RIOK2: variants seen among roughly 807,000 people sequenced by gnomAD.
RIOK2 encodes the protein RIO kinase 2.
RIOK2 carries 46 observed loss-of-function variants against 62.4 expected under a neutral mutation model. That is an observed-to-expected ratio of 0.74 (90% CI 0.58 to 0.94). The LOEUF is 0.94. RIOK2 is among the 40% of genes least tolerant of loss of function. The probability of loss-of-function intolerance (pLI) is 0.00; values close to 1 mark genes in which losing one functional copy is unlikely to be tolerated. For synonymous variants in RIOK2, 197 were observed against 216.0 expected, an observed-to-expected ratio of 0.91 and a Z score of 0.77; for missense variants, 574 against 658.0, an observed-to-expected ratio of 0.87 and a Z score of 1.40.
At chr5:97,180,919 A>G (rs1254245902) in intron 1 of RIOK2, among the ~76,000 whole-genome samples, 1 of 151,928 alleles carries the variant, frequency 6.6e-6, no homozygotes, top group Non-Finnish European at 1.5e-5. Context: ...GGGAAAAGAG[A>G]AAGGGGGTAG....
intron 6 of RIOK2, 80 bp from the exon 7 acceptor site, chr5:97,168,932 G>T (rs765829200): frequency 1.7e-5 from 13 of 747,552 alleles, no homozygotes; most frequent in Middle Eastern, 2.5e-4. Context: ...TATACTTATT[G>T]GTTAATGGTA....
intron 1 of RIOK2, among the ~76,000 whole-genome samples, chr5:97,181,307 G>A (rs1256280282): frequency 6.6e-6 from 1 of 151,296 alleles, no homozygotes; most frequent in Non-Finnish European, 1.5e-5. Context: ...AAATTAAATA[G>A]GAAAGGGGCC....
At chr5:97,163,252 A>T in intron 9 of RIOK2, 27 bp from the exon 10 acceptor site, 1 of 1,589,978 alleles carries the variant, frequency 6.3e-7, no homozygotes, top group Non-Finnish European at 8.6e-7. Flanking sequence ...AATTAGTATT[A>T]CTGATAATGA....
chr5:97,166,913 G>GTA (rs879481397), intron 8 of RIOK2: 1,986 of 922,138 alleles, frequency 2.2e-3, no homozygotes, highest in Middle Eastern at 5.0e-3. Flanking sequence ...TCATCAGTTT[G>GTA]TATATATATA....
chr5:97,183,168 C>G lies in RIOK2; in HGVS notation c.24G>C (p.Lys8Asn), dbSNP rs1749473290. ...AGTCATCTCGGCTCATGTAACGCAA[C>G]TTGGCCACATTCACTTTCCCCATGG... is the stretch of plus-strand genomic sequence containing the variant. MGKVNVA[K>N]LRYMSRDDFR... The change falls in exon 1 of 10, where the codon AAG becomes AAC. Residue 8 changes from lysine (K) to asparagine (N), a missense_variant. By Grantham distance (94) the Lys-to-Asn change is moderately conservative. Transcript: ENST00000283109. 1.2e-6 allele frequency: 2 copies of G among 1,614,014 alleles called. No individual in the cohort carries two copies. Among genetic ancestry groups the G allele is most frequent in the Non-Finnish European group, 1.7e-6 (2 of 1,179,996 alleles).
At chr5:97,181,185 T>A (rs1749398203) in intron 1 of RIOK2, among the ~76,000 whole-genome samples, 1 of 149,858 alleles carries the variant, frequency 6.7e-6, no homozygotes, top group Non-Finnish European at 1.5e-5. Context: ...GGCAGGAGAA[T>A]CGCTTGAACC....
chr5:97,168,636 G>T, intron 7 of RIOK2, 124 bp downstream of exon 7: 1 of 527,728 alleles, frequency 1.9e-6, no homozygotes, highest in Non-Finnish European at 3.3e-6. Context: ...ACAGAGCAAT[G>T]ACATCTAACA....
At chr5:97,172,365 T>C (rs1561518413) in intron 5 of RIOK2, among the ~76,000 whole-genome samples, 1 of 152,182 alleles carries the variant, frequency 6.6e-6, no homozygotes, top group Non-Finnish European at 1.5e-5. Context: ...TCCAGTTAAT[T>C]TGCTACTCAG....
At chr5:97,164,691 G>C (rs1017853285) in intron 9 of RIOK2, among the ~76,000 whole-genome samples, 1 of 152,104 alleles carries the variant, frequency 6.6e-6, no homozygotes. Flanking sequence ...AATTTATCAA[G>C]TGACCTACAT....
intron 7 of RIOK2, among the ~76,000 whole-genome samples, 153 bp downstream of exon 7, chr5:97,168,607 T>A (rs1017795499): frequency 6.6e-6 from 1 of 152,080 alleles, no homozygotes; most frequent in African/African-American, 2.4e-5. Flanking sequence ...TTCAAGTTTT[T>A]AAGTTTCAGT....
chr5:97,170,035 G>A (rs756860786), intron 6 of RIOK2, among the ~76,000 whole-genome samples: 149 of 152,122 alleles, frequency 9.8e-4, no homozygotes, highest in Non-Finnish European at 1.5e-3. Flanking sequence ...TCTTTCTGTA[G>A]CATAAGTATA....
chr5:97,176,781 T>C (rs1391130225), intron 4 of RIOK2, among the ~76,000 whole-genome samples: 2 of 152,246 alleles, frequency 1.3e-5, no homozygotes, highest in Non-Finnish European at 2.9e-5. Flanking sequence ...GACATATGTA[T>C]AGTTACATAT....
chr5:97,180,130 A>ATATATATATGTATATATATATATATATG (rs1749347330), intron 1 of RIOK2, among the ~76,000 whole-genome samples: 1 of 29,238 alleles, frequency 3.4e-5, no homozygotes, highest in Non-Finnish European at 9.0e-5. Context: ...GTATATGTAT[A>ATATATATATGTATATATATATATATATG]TATATATATA....
At chr5:97,181,567 G>A (rs954563514) in intron 1 of RIOK2, among the ~76,000 whole-genome samples, 2 of 152,146 alleles carry the variant, frequency 1.3e-5, no homozygotes, top group African/African-American at 4.8e-5. Flanking sequence ...ACCAACACTG[G>A]TGAGATTCAA....
rs982964213 is a variant in RIOK2, at chr5:97,167,972, C to T, written c.892G>A (p.Val298Met). ...GTGTAGCCACTGGCAGAAACCTCCA[C>T]ATCAAGAGTGTCTTCTCTCCTAGAA... ...KDIRREDTLD[V>M]EVSASGYTKE... Residue 298 changes from valine (V) to methionine (M), a missense_variant, in exon 8 of 10, where the codon GTG becomes ATG. Transcript: ENST00000283109. The T allele has an allele frequency of 1.3e-6, 2 of 1,599,608 alleles. No homozygotes were observed. The highest frequency in any genetic ancestry group is 8.5e-7 in the Non-Finnish European group (1 of 1,178,060).
chr5:97,182,946 A>C, intron 1 of RIOK2, 180 bp downstream of exon 1: 1 of 731,650 alleles, frequency 1.4e-6, no homozygotes, highest in Non-Finnish European at 2.5e-6. Context: ...GGGGAAGGTA[A>C]GCTCCCAAAC....
In RIOK2 at chr5:97,183,247, C is replaced by A. The variant is rs765769343; in HGVS notation, c.-56G>T. 6.3e-7 allele frequency: 1 copy of A among 1,588,030 alleles called. No homozygotes were observed. Among genetic ancestry groups the A allele is most frequent in the Non-Finnish European group, 8.6e-7 (1 of 1,162,002 alleles). On this transcript the variant is annotated 5_prime_UTR_variant, in exon 1 of 10. Transcript: ENST00000283109. ...CCGACGACAGCCGCAAAGCGTAAGG[C>A]AGGTCGTTATTCCAGCCTCTAAGCG...
At chr5:97,166,671 A>G (rs997308716) in intron 8 of RIOK2, 30 of 638,558 alleles carry the variant, frequency 4.7e-5, no homozygotes, top group African/African-American at 2.0e-5. Flanking sequence ...AAAACATAAT[A>G]TCATTAGATA....
intron 5 of RIOK2, among the ~76,000 whole-genome samples, chr5:97,172,934 T>C (rs926082225): frequency 6.6e-6 from 1 of 152,206 alleles, no homozygotes; most frequent in African/African-American, 2.4e-5. Flanking sequence ...ACTGCTGAGA[T>C]TAAAAGTTCC....
Sources: allele counts gnomAD v4.1 joint callset (sites outside exome capture counted in the v4.1 genomes callset), GRCh38; gene constraint gnomAD v4.1.1; transcripts MANE v1.5; gene names NCBI Gene and HGNC (gene_info 2026-07-23, HGNC 2026-07-21).